Variants in ELAVL2 observed in about 807,000 individuals in gnomAD.
ELAVL2 encodes the protein ELAV like RNA binding protein 2, also known as ELAV-like protein 2.
In ELAVL2, 4 loss-of-function variants were observed where a neutral mutation model predicts 34.6. That is an observed-to-expected ratio of 0.12 (90% CI 0.06 to 0.26). ELAVL2 has a LOEUF of 0.26. Ranked by LOEUF, ELAVL2 falls within the 10% of genes least tolerant of loss-of-function variation. The probability of loss-of-function intolerance (pLI) is 1.00; values close to 1 mark genes in which losing one functional copy is unlikely to be tolerated. For missense variants in ELAVL2, 432 were observed against 442.8 expected (o/e 0.98, Z 0.22); for synonymous variants, 193 against 154.8 (o/e 1.25, Z -1.83).
chr9:23,802,607 C>A (rs1053918088), intron 1 of ELAVL2, among the ~76,000 whole-genome samples: 7 of 152,136 alleles, frequency 4.6e-5, no homozygotes, highest in African/African-American at 1.7e-4. Context: ...TAGGCTAATC[C>A]AGTGGTTCTC....
chr9:23,747,060 T>A (rs1269866477), intron 2 of ELAVL2, among the ~76,000 whole-genome samples: 1 of 152,064 alleles, frequency 6.6e-6, no homozygotes, highest in Admixed American at 6.6e-5. Context: ...ACTAGCCGAG[T>A]ACAGTAGTCC....
intron 2 of ELAVL2, among the ~76,000 whole-genome samples, chr9:23,731,403 C>T (rs2046512171): frequency 6.6e-6 from 1 of 151,894 alleles, no homozygotes; most frequent in Admixed American, 6.6e-5. Flanking sequence ...CCAGAGTATA[C>T]CATCAGCAAG....
rs944655080 is a variant in ELAVL2 at position 23,750,063 on chromosome 9, T to C, written c.229+11943A>G. On this transcript the variant is annotated intron_variant, in intron 2 of 6. Transcript: ENST00000397312. ...AAAAAAAAGACTCTTTAAAAGTCGG[T>C]TGTCCAACTATAAAGGCTAGGAAAG... is the stretch of plus-strand genomic sequence containing the variant. Among the ~76,000 whole-genome samples the C allele has an allele frequency of 9.3e-5, 14 of 150,912 alleles. No homozygotes were observed. In the East Asian group the frequency reaches 2.3e-3, roughly 25 times the overall value.
At chr9:23,701,713 CATATA>C in intron 4 of ELAVL2, 109 bp from the exon 5 acceptor site, 1 of 1,135,676 alleles carries the variant, frequency 8.8e-7, no homozygotes, top group South Asian at 1.5e-5. Flanking sequence ...TTTTCACCTA[CATATA>C]ACATTTCCCA....
At chr9:23,845,605 T>G in the ELAVL2 span, among the ~76,000 whole-genome samples, 1 of 151,512 alleles carries the variant, frequency 6.6e-6, no homozygotes, top group Non-Finnish European at 1.5e-5. Context: ...AATTCCAAAA[T>G]TATCTGACTT....
intron 2 of ELAVL2, among the ~76,000 whole-genome samples, chr9:23,744,992 C>G (rs1364206902): frequency 6.6e-6 from 1 of 152,062 alleles, no homozygotes; most frequent in Non-Finnish European, 1.5e-5. Flanking sequence ...ATCACTTAAG[C>G]TCAGGAGCTC....
chr9:23,794,539 A>T (rs1008109219), intron 1 of ELAVL2, among the ~76,000 whole-genome samples: 3 of 152,192 alleles, frequency 2.0e-5, no homozygotes, highest in African/African-American at 7.2e-5. Context: ...CATTTTTCAA[A>T]TTCAAGGCTG....
At chr9:23,845,201 C>G in the ELAVL2 span, among the ~76,000 whole-genome samples, 1 of 151,594 alleles carries the variant, frequency 6.6e-6, no homozygotes, top group African/African-American at 2.4e-5. Context: ...ATAACTTTCC[C>G]TTTTAGCTTC....
At chr9:23,758,377 G>C (rs2054086131) in intron 2 of ELAVL2, among the ~76,000 whole-genome samples, 1 of 151,934 alleles carries the variant, frequency 6.6e-6, no homozygotes, top group Non-Finnish European at 1.5e-5. Context: ...GAAGTATTCA[G>C]TAAGAAACTC....
chr9:23,773,447 T>TA (rs1450868947), intron 1 of ELAVL2, among the ~76,000 whole-genome samples: 6 of 152,184 alleles, frequency 3.9e-5, no homozygotes, highest in Non-Finnish European at 8.8e-5. Flanking sequence ...GTTGTCTTAG[T>TA]ATCATTCAAG....
At chr9:23,715,690 G>A (rs2042115180) in intron 3 of ELAVL2, among the ~76,000 whole-genome samples, 1 of 152,044 alleles carries the variant, frequency 6.6e-6, no homozygotes, top group Non-Finnish European at 1.5e-5. Context: ...AGATAACCAT[G>A]GCAACTTTAT....
intron 2 of ELAVL2, among the ~76,000 whole-genome samples, chr9:23,737,805 T>C (rs2048250104): frequency 6.6e-6 from 1 of 152,200 alleles, no homozygotes; most frequent in Non-Finnish European, 1.5e-5. Context: ...TATGGTCCTC[T>C]CTGTCAAGGA....
intron 3 of ELAVL2, among the ~76,000 whole-genome samples, chr9:23,709,226 A>G (rs1000365377): frequency 6.6e-6 from 1 of 152,142 alleles, no homozygotes; most frequent in Non-Finnish European, 1.5e-5. Context: ...ACTATCAAGG[A>G]TATCGCTGTC....
At chr9:23,765,723 C>A (rs571092223) in intron 1 of ELAVL2, among the ~76,000 whole-genome samples, 5 of 152,244 alleles carry the variant, frequency 3.3e-5, no homozygotes, top group African/African-American at 9.6e-5. Flanking sequence ...TACTAAGAGG[C>A]AGTAAACCAG....
At chr9:23,780,546 A>C (rs1176854780) in intron 1 of ELAVL2, among the ~76,000 whole-genome samples, 1 of 152,162 alleles carries the variant, frequency 6.6e-6, no homozygotes, top group Non-Finnish European at 1.5e-5. Flanking sequence ...AAACTTAAAC[A>C]CACCTCTTAG....
At chr9:23,808,723 C>A (rs1160310154) in intron 1 of ELAVL2, among the ~76,000 whole-genome samples, 1 of 152,154 alleles carries the variant, frequency 6.6e-6, no homozygotes, top group Non-Finnish European at 1.5e-5. Context: ...CAAATTGCCA[C>A]ATTTCTTTGA....
intron 6 of ELAVL2, among the ~76,000 whole-genome samples, chr9:23,693,154 G>A (rs548041414): frequency 6.6e-5 from 10 of 152,142 alleles, no homozygotes; most frequent in Non-Finnish European, 1.5e-4. Flanking sequence ...ATTTAGAACT[G>A]GCTTCATGAA....
Position 23,778,575 on chromosome 9 carries a change from GC to G in ELAVL2, c.-15-16327del, listed in dbSNP as rs371703495. Among the ~76,000 whole-genome samples the G allele has an allele frequency of 6.6e-4, 101 of 152,192 alleles. No individual in the cohort carries two copies. In the East Asian group the frequency reaches 0.014, roughly 21 times the overall value. On this transcript the variant is annotated intron_variant, in intron 1 of 6. Coordinates refer to ENST00000397312, the MANE Select transcript of ELAVL2 (RefSeq NM_004432.5). ...CTCCCAATACAGCCTTAATGTTCCG[GC>G]CCCTGCAAGGGCTGGATTTTAAGTA... is the stretch of plus-strand genomic sequence containing the variant.
At chr9:23,811,624 G>C (rs1206627398) in intron 1 of ELAVL2, among the ~76,000 whole-genome samples, 1 of 152,182 alleles carries the variant, frequency 6.6e-6, no homozygotes, top group Non-Finnish European at 1.5e-5. Flanking sequence ...TTTTTCCTAG[G>C]TGTTTTGAAA....
Sources: gnomAD v4.1 joint callset for allele counts (sites outside exome capture counted in the v4.1 genomes callset) on GRCh38, gnomAD v4.1.1 for gene constraint, MANE v1.5 for transcripts, NCBI Gene and HGNC (gene_info 2026-07-23, HGNC 2026-07-21) for gene names.